Variants in YJU2 observed in about 807,000 individuals in gnomAD.
The protein encoded by YJU2 is YJU2 splicing factor homolog, also known as splicing factor YJU2.
In YJU2, 28 loss-of-function variants were observed where a neutral mutation model predicts 39.6. That is an observed-to-expected ratio of 0.71 (90% CI 0.52 to 0.97). The LOEUF is 0.97. YJU2 is among the 50% of genes least tolerant of loss of function. The pLI is 0.00. For synonymous variants in YJU2, 184 were observed against 182.4 expected, an observed-to-expected ratio of 1.01 and a Z score of -0.07; for missense variants, 328 against 430.4, an observed-to-expected ratio of 0.76 and a Z score of 2.11.
chr19:4,266,790 G>A (rs1006461881), intron 6 of YJU2, among the ~76,000 whole-genome samples: 2 of 152,122 alleles, frequency 1.3e-5, no homozygotes, highest in Non-Finnish European at 2.9e-5. Context: ...AGACCAGCCT[G>A]GGCAACATAG....
intron 6 of YJU2, among the ~76,000 whole-genome samples, chr19:4,265,578 G>C (rs946963187): frequency 1.3e-5 from 2 of 149,272 alleles, no homozygotes; most frequent in African/African-American, 2.5e-5. Context: ...AAACAGGTTT[G>C]GGAACTAACC....
chr19:4,267,886 G>T, intron 7 of YJU2, 112 bp downstream of exon 7: 1 of 934,998 alleles, frequency 1.1e-6, no homozygotes, highest in Non-Finnish European at 1.6e-6. Flanking sequence ...GGCGGCCTGC[G>T]ACCCCCACAG....
chr19:4,249,469 A>G, intron 2 of YJU2, 141 bp downstream of exon 2: 3 of 587,650 alleles, frequency 5.1e-6, no homozygotes, highest in South Asian at 4.5e-5. Context: ...GACCATTCCA[A>G]CCCTCCTTCG....
chr19:4,255,897 C>G (rs1261209500), intron 4 of YJU2, among the ~76,000 whole-genome samples: 1 of 151,914 alleles, frequency 6.6e-6, no homozygotes, highest in Non-Finnish European at 1.5e-5. Context: ...ATCCAAGCTA[C>G]TCAGGAGGCT....
At chr19:4,256,181 A>AAAAT (rs1001505791) in intron 4 of YJU2, among the ~76,000 whole-genome samples, 126 of 125,882 alleles carry the variant, frequency 1.0e-3, no homozygotes, top group East Asian at 2.6e-3. Context: ...AAAAAAAAAA[A>AAAAT]ATATATATAT....
intron 6 of YJU2, among the ~76,000 whole-genome samples, chr19:4,263,809 C>CAA (rs34863832): frequency 1.0e-3 from 101 of 98,362 alleles, no homozygotes; most frequent in African/African-American, 3.3e-3. Context: ...GACTCTATCT[C>CAA]AAAAAAAAAA....
In YJU2 at chr19:4,255,998, ACT is replaced by A. The variant is rs1464052144; in HGVS notation, c.405+1512_405+1513del. Among the ~76,000 whole-genome samples, 4 of 151,354 alleles carry A rather than the reference ACT, an allele frequency of 2.6e-5. No homozygotes were observed. In the South Asian group the frequency reaches 8.3e-4, roughly 32 times the overall value. On this transcript the variant is annotated intron_variant, in intron 4 of 7. Transcript: ENST00000262962. Reference sequence around the variant, plus strand: ...CTTCAGCCTGGGCAACAAGAGTAAAACTCTGTCTCAACAACAACAACAAAAAT... The same window carrying A: ...CTTCAGCCTGGGCAACAAGAGTAAAACTGTCTCAACAACAACAACAAAAAT...
intron 1 of YJU2, chr19:4,247,498 T>G: frequency 5.2e-6 from 1 of 192,660 alleles, no homozygotes; most frequent in Admixed American, 6.9e-5. Flanking sequence ...GCCCTCTTCT[T>G]GAGGGGCGTG....
At chr19:4,268,240 C>T (rs752665958) in intron 7 of YJU2, among the ~76,000 whole-genome samples, 8 of 152,172 alleles carry the variant, frequency 5.3e-5, no homozygotes, top group Non-Finnish European at 7.3e-5. Context: ...CCACCGCGCC[C>T]GGCCTGTTTT....
intron 5 of YJU2, 62 bp downstream of exon 5, chr19:4,258,485 T>C: frequency 1.3e-6 from 2 of 1,524,764 alleles, no homozygotes; most frequent in Admixed American, 4.0e-5. Context: ...AGGCGCTGCC[T>C]CTGCCCCAGA....
intron 4 of YJU2, among the ~76,000 whole-genome samples, chr19:4,254,880 AC>A (rs778953888): frequency 1.3e-5 from 2 of 151,706 alleles, no homozygotes; most frequent in Non-Finnish European, 2.9e-5. Context: ...ACATGGTGAA[AC>A]CCCGTCTCTA....
chr19:4,253,990 A>G (rs1970998572), intron 3 of YJU2, among the ~76,000 whole-genome samples: 1 of 152,092 alleles, frequency 6.6e-6, no homozygotes, highest in African/African-American at 2.4e-5. Context: ...TTGTATTTTT[A>G]GTAGAGACAG....
At chr19:4,259,416 G>C (rs947953762) in intron 5 of YJU2, among the ~76,000 whole-genome samples, 1 of 152,006 alleles carries the variant, frequency 6.6e-6, no homozygotes, top group African/African-American at 2.4e-5. Context: ...GTTTTGCTCT[G>C]CCGCCCAGGC....
chr19:4,247,345 G>A (rs1568359331), intron 1 of YJU2, 175 bp downstream of exon 1: 2 of 583,768 alleles, frequency 3.4e-6, no homozygotes, highest in South Asian at 2.1e-5. Context: ...CCGTCGGGGG[G>A]GTGGGCCTTC....
chr19:4,256,166 T>C (rs1971017474), intron 4 of YJU2, among the ~76,000 whole-genome samples: 1 of 84,746 alleles, frequency 1.2e-5, no homozygotes, highest in South Asian at 4.0e-4. Flanking sequence ...AGCAAGACTG[T>C]CGCAAAAAAA....
intron 5 of YJU2, among the ~76,000 whole-genome samples, chr19:4,260,527 A>G (rs1468045752): frequency 1.3e-5 from 2 of 151,802 alleles, no homozygotes; most frequent in African/African-American, 4.8e-5. Context: ...ACCTGAGGTC[A>G]GGAGTTCGAG....
At chr19:4,252,860 A>C (rs1970988384) in intron 3 of YJU2, among the ~76,000 whole-genome samples, 2 of 152,160 alleles carry the variant, frequency 1.3e-5, no homozygotes, top group Admixed American at 1.3e-4. Context: ...TGGGAGGCCA[A>C]GGCTGCAGTG....
At chr19:4,253,552 G>A (rs1427875146) in intron 3 of YJU2, among the ~76,000 whole-genome samples, 1 of 152,094 alleles carries the variant, frequency 6.6e-6, no homozygotes, top group Non-Finnish European at 1.5e-5. Flanking sequence ...CTGCACTCCG[G>A]CCTGGGCAAC....
rs73528437 is a variant in YJU2, at chr19:4,253,186, C to T, written c.271-1169C>T. 5.6e-3 allele frequency among the ~76,000 whole-genome samples: 799 copies of T among 141,658 alleles called. 7 individuals are homozygous for T. Among genetic ancestry groups the T allele is most frequent in the African/African-American group, 0.021 (751 of 36,572 alleles). The allele number at this position is 141,658 out of a possible 152,430, so 92.9% of individuals were successfully genotyped here. ...ACTAGCCTGGGCAACATAGTGAGAC[C>T]CTGTCCGTGTCTACACACACACACA... is the stretch of plus-strand genomic sequence containing the variant. On this transcript the variant is annotated intron_variant, in intron 3 of 7. Coordinates refer to ENST00000262962, the MANE Select transcript of YJU2 (RefSeq NM_018074.6).
Sources: allele counts gnomAD v4.1 joint callset (sites outside exome capture counted in the v4.1 genomes callset), GRCh38; gene constraint gnomAD v4.1.1; transcripts MANE v1.5; gene names NCBI Gene and HGNC (gene_info 2026-07-23, HGNC 2026-07-21).